The following THSD7A variants were observed in gnomAD, a reference collection of about 807,000 sequenced individuals.
THSD7A encodes thrombospondin type-1 domain-containing protein 7A.
In THSD7A, 96 loss-of-function variants were observed where a neutral mutation model predicts 231.3. That is an observed-to-expected ratio of 0.41 (90% confidence interval 0.35 to 0.49). THSD7A has a LOEUF of 0.49. Among genes scored for constraint, THSD7A ranks in the 20% least tolerant of loss-of-function variants. The probability of loss-of-function intolerance (pLI) is 0.05; values close to 1 mark genes in which losing one functional copy is unlikely to be tolerated. For synonymous variants in THSD7A, 940 were observed against 743.3 expected (o/e 1.26, Z -4.30); for missense variants, 2,290 against 2,070.2 (o/e 1.11, Z -2.06).
intron 1 of THSD7A, among the ~76,000 whole-genome samples, chr7:11,653,448 ATGTGTGTGTGTGTGTGTGTGTGTGTG>A (rs60933989): frequency 7.9e-5 from 10 of 127,046 alleles, no homozygotes; most frequent in African/African-American, 2.1e-4. Flanking sequence ...ACTCCCAGAT[ATGTGTGTGTGTGTGTGTGTGTGTGTG>A]TGTGTGTGTG....
chr7:11,481,197 A>C (rs1350355061), intron 7 of THSD7A, among the ~76,000 whole-genome samples: 1 of 152,112 alleles, frequency 6.6e-6, no homozygotes, highest in African/African-American at 2.4e-5. Context: ...TGTGACAAAC[A>C]TGCTTTATTC....
intron 7 of THSD7A, among the ~76,000 whole-genome samples, chr7:11,479,348 T>A (rs964040302): frequency 1.3e-5 from 2 of 152,216 alleles, no homozygotes; most frequent in Non-Finnish European, 2.9e-5. Flanking sequence ...ACTTTTCGCA[T>A]GGACTTGTCC....
At chr7:11,573,332 C>A (rs983420368) in intron 4 of THSD7A, among the ~76,000 whole-genome samples, 1 of 152,320 alleles carries the variant, frequency 6.6e-6, no homozygotes, top group Non-Finnish European at 1.5e-5. Context: ...TCTGTCCTTT[C>A]CCTCCAGTGT....
chr7:11,744,870 CTT>C (rs1258070622), intron 1 of THSD7A, among the ~76,000 whole-genome samples: 2 of 152,090 alleles, frequency 1.3e-5, no homozygotes, highest in African/African-American at 4.8e-5. Context: ...GGTTCCAAGT[CTT>C]TGCTGTTGTG....
chr7:11,572,165 C>G (rs1790662673), intron 4 of THSD7A, among the ~76,000 whole-genome samples: 1 of 152,048 alleles, frequency 6.6e-6, no homozygotes, highest in Admixed American at 6.5e-5. Flanking sequence ...AGCAGTGTCC[C>G]CACCTTGGCC....
At chr7:11,643,458 GCTGTC>G (rs1782161765) in intron 1 of THSD7A, among the ~76,000 whole-genome samples, 1 of 151,930 alleles carries the variant, frequency 6.6e-6, no homozygotes, top group Admixed American at 6.6e-5. Flanking sequence ...ATCGTATTTT[GCTGTC>G]CTTCTACTAG....
intron 1 of THSD7A, among the ~76,000 whole-genome samples, chr7:11,729,017 A>G (rs1049238713): frequency 1.3e-5 from 2 of 151,860 alleles, no homozygotes; most frequent in African/African-American, 4.8e-5. Flanking sequence ...CCATATCATT[A>G]AAGAAACATT....
At chr7:11,710,200 G>A (rs1321645371) in intron 1 of THSD7A, among the ~76,000 whole-genome samples, 1 of 150,506 alleles carries the variant, frequency 6.6e-6, no homozygotes, top group East Asian at 2.0e-4. Context: ...AAATGGTACT[G>A]GTGCTTGTGG....
chr7:11,737,829 G>A (rs1454505562), intron 1 of THSD7A, among the ~76,000 whole-genome samples: 17 of 151,972 alleles, frequency 1.1e-4, no homozygotes, highest in Admixed American at 1.1e-3. Context: ...AGTAGAAAAT[G>A]ATAATTTTCA....
chr7:11,658,896 A>C (rs1233769521), intron 1 of THSD7A, among the ~76,000 whole-genome samples: 1 of 151,888 alleles, frequency 6.6e-6, no homozygotes, highest in Admixed American at 6.6e-5. Context: ...GATTCAGAGC[A>C]GAACTCAGAA....
At chr7:11,801,901 A>G (rs1388683641) in intron 1 of THSD7A, among the ~76,000 whole-genome samples, 1 of 152,240 alleles carries the variant, frequency 6.6e-6, no homozygotes, top group East Asian at 1.9e-4. Flanking sequence ...CATAGTTATC[A>G]GGAATAACAT....
At chr7:11,722,428 C>T (rs183357998) in intron 1 of THSD7A, among the ~76,000 whole-genome samples, 2,134 of 151,936 alleles carry the variant, frequency 0.014, 32 homozygotes, top group Non-Finnish European at 0.02. Flanking sequence ...TAAAATTGGT[C>T]TTTTGAGATG....
chr7:11,670,648 T>C (rs1224257964), intron 1 of THSD7A, among the ~76,000 whole-genome samples: 3 of 152,190 alleles, frequency 2.0e-5, no homozygotes, highest in Non-Finnish European at 4.4e-5. Flanking sequence ...ATTTCCAGAA[T>C]TCTGATGCTT....
intron 1 of THSD7A, among the ~76,000 whole-genome samples, chr7:11,638,744 T>G (rs923406594): frequency 6.6e-6 from 1 of 152,156 alleles, no homozygotes; most frequent in Non-Finnish European, 1.5e-5. Flanking sequence ...AACAGTCTCC[T>G]TGAAGTATGA....
intron 1 of THSD7A, among the ~76,000 whole-genome samples, chr7:11,666,092 A>G (rs1375905754): frequency 6.6e-6 from 1 of 152,100 alleles, no homozygotes; most frequent in Non-Finnish European, 1.5e-5. Flanking sequence ...AATAGAATAT[A>G]TTTATAAATT....
At chr7:11,432,655 T>C (rs1784514268) in intron 13 of THSD7A, among the ~76,000 whole-genome samples, 1 of 152,126 alleles carries the variant, frequency 6.6e-6, no homozygotes, top group Non-Finnish European at 1.5e-5. Context: ...TTGTTTATTC[T>C]GGTTGATGTG....
chr7:11,801,371 T>C (rs190426509), intron 1 of THSD7A, among the ~76,000 whole-genome samples: 2 of 152,240 alleles, frequency 1.3e-5, no homozygotes, highest in East Asian at 3.9e-4. Context: ...AGGACCAAAG[T>C]AAGTCTTTTA....
intron 2 of THSD7A, among the ~76,000 whole-genome samples, chr7:11,608,982 T>C (rs1017691758): frequency 9.2e-5 from 14 of 152,194 alleles, no homozygotes; most frequent in Non-Finnish European, 1.6e-4. Context: ...TCTGGTGATC[T>C]CCATTTCCAA....
intron 1 of THSD7A, among the ~76,000 whole-genome samples, chr7:11,718,593 A>C (rs774307661): frequency 1.3e-4 from 20 of 151,678 alleles, no homozygotes; most frequent in Admixed American, 1.3e-3. Flanking sequence ...TTTCCTTTAA[A>C]TCATCAATCT....
Sources: gnomAD v4.1 joint callset for allele counts (sites outside exome capture counted in the v4.1 genomes callset) on GRCh38, gnomAD v4.1.1 for gene constraint, MANE v1.5 for transcripts, NCBI Gene and HGNC (gene_info 2026-07-23, HGNC 2026-07-21) for gene names.